Variants in FAT3 observed in about 807,000 individuals in gnomAD.
The protein encoded by FAT3 is FAT atypical cadherin 3, also known as protocadherin Fat 3.
Under a neutral mutation model 310.2 loss-of-function variants are expected in FAT3, and 95 were observed. That is an observed-to-expected ratio of 0.31 (90% CI 0.26 to 0.36). The LOEUF (loss-of-function observed/expected upper bound fraction) is 0.36. Ranked by LOEUF, FAT3 falls within the 10% of genes least tolerant of loss-of-function variation. The pLI, the probability that FAT3 is intolerant of heterozygous loss-of-function variation, is 1.00. For missense variants in FAT3, 5,408 were observed against 5,715.6 expected, an observed-to-expected ratio of 0.95 and a Z score of 1.74; for synonymous variants, 2,314 against 2,192.9, an observed-to-expected ratio of 1.06 and a Z score of -1.54.
chr11:92,702,964 G>A (rs1944147706), intron 4 of FAT3, among the ~76,000 whole-genome samples: 1 of 152,216 alleles, frequency 6.6e-6, no homozygotes, highest in Non-Finnish European at 1.5e-5. Context: ...GAACAGCCCA[G>A]AGAATGTGGT....
At chr11:92,840,368 A>G (rs999782329) in intron 17 of FAT3, among the ~76,000 whole-genome samples, 194 bp from the exon 18 acceptor site, 1 of 152,176 alleles carries the variant, frequency 6.6e-6, no homozygotes, top group Admixed American at 6.5e-5. Flanking sequence ...GGAACATGAC[A>G]CTTACAGACA....
At chr11:92,255,482 A>G (rs1186061921) in intron 1 of FAT3, among the ~76,000 whole-genome samples, 1 of 152,102 alleles carries the variant, frequency 6.6e-6, no homozygotes, top group Non-Finnish European at 1.5e-5. Flanking sequence ...AAGCATATTA[A>G]ATATATGAAT....
intron 2 of FAT3, among the ~76,000 whole-genome samples, chr11:92,362,251 A>T (rs750889523): frequency 5.9e-5 from 9 of 152,184 alleles, no homozygotes; most frequent in Non-Finnish European, 1.0e-4. Context: ...AGATAGACAA[A>T]CCGAAAAGGT....
chr11:92,880,659 T>C, intron 22 of FAT3, 72 bp from the exon 23 acceptor site: 1 of 1,506,100 alleles, frequency 6.6e-7, no homozygotes, highest in East Asian at 2.3e-5. Context: ...TAGGAGGACA[T>C]GTTATAGCTG....
At chr11:92,705,780 A>ATGGTGTTGGTGT (rs1944311434) in intron 4 of FAT3, among the ~76,000 whole-genome samples, 1 of 25,976 alleles carries the variant, frequency 3.8e-5, no homozygotes, top group Non-Finnish European at 7.1e-5. Context: ...GGTGGTGGTG[A>ATGGTGTTGGTGT]TGGTGGTGGT....
chr11:92,891,722 G>T lies in FAT3; in HGVS notation c.*609G>T. ...ATGTTTAGTATGCTCAGTTATTTCTGTTTGTTTGTGTTAAGCATCCAATCT... is the reference window on the plus strand; with the variant it reads ...ATGTTTAGTATGCTCAGTTATTTCTTTTTGTTTGTGTTAAGCATCCAATCT... On this transcript the variant is annotated 3_prime_UTR_variant, in exon 28 of 28. Transcript: ENST00000525166. 1 of 156,418 alleles carries T rather than the reference G, an allele frequency of 6.4e-6. No homozygotes were observed. Among genetic ancestry groups the T allele is most frequent in the East Asian group, 1.9e-4 (1 of 5,350 alleles). The allele number at this position is 156,418 out of a possible 1,614,324, so 9.7% of individuals were successfully genotyped here. A position where few individuals can be genotyped will look rare whatever the true frequency, so the allele number is the denominator to read the frequency against.
intron 2 of FAT3, among the ~76,000 whole-genome samples, chr11:92,458,157 G>A (rs989466401): frequency 6.6e-6 from 1 of 152,178 alleles, no homozygotes; most frequent in African/African-American, 2.4e-5. Flanking sequence ...GTGCTACGAT[G>A]AGACTATGGT....
chr11:92,718,789 T>C (rs1944766518), intron 4 of FAT3, among the ~76,000 whole-genome samples: 3 of 152,122 alleles, frequency 2.0e-5, no homozygotes, highest in African/African-American at 7.2e-5. Context: ...TGAACATTAG[T>C]TTTGCTGTAT....
chr11:92,845,374 G>A (rs1277034043), intron 19 of FAT3, among the ~76,000 whole-genome samples: 1 of 152,014 alleles, frequency 6.6e-6, no homozygotes, highest in Non-Finnish European at 1.5e-5. Context: ...AGGAGGCCAG[G>A]CCAGAGGCAG....
chr11:92,553,321 G>T (rs889757029), intron 3 of FAT3, among the ~76,000 whole-genome samples: 15 of 152,138 alleles, frequency 9.9e-5, no homozygotes, highest in Non-Finnish European at 1.5e-4. Flanking sequence ...TATCACAAAT[G>T]TTTGCAGAGT....
At chr11:92,229,345 G>C (rs879897671) in intron 1 of FAT3, among the ~76,000 whole-genome samples, 1 of 133,656 alleles carries the variant, frequency 7.5e-6, no homozygotes, top group Non-Finnish European at 1.7e-5. Flanking sequence ...TCTCTGGGAA[G>C]ACTCAGAGAG....
At chr11:92,366,213 A>C (rs11019927) in intron 2 of FAT3, among the ~76,000 whole-genome samples, 11,801 of 152,062 alleles carry the variant, frequency 0.078, 658 homozygotes, top group African/African-American at 0.15. Flanking sequence ...ACTGGCAAAA[A>C]CCCAAGTCAC....
chr11:92,266,448 G>A (rs1199070506), intron 1 of FAT3, among the ~76,000 whole-genome samples: 1 of 152,190 alleles, frequency 6.6e-6, no homozygotes, highest in East Asian at 1.9e-4. Context: ...TGTGGCCTCA[G>A]TTGATAGGTA....
chr11:92,227,242 C>A (rs1291443162), intron 1 of FAT3, among the ~76,000 whole-genome samples: 1 of 152,154 alleles, frequency 6.6e-6, no homozygotes, highest in African/African-American at 2.4e-5. Context: ...TTTCTGGCCC[C>A]GACGCTAGTC....
chr11:92,472,792 A>G (rs191826987), intron 2 of FAT3, among the ~76,000 whole-genome samples: 1 of 152,290 alleles, frequency 6.6e-6, no homozygotes, highest in Admixed American at 6.5e-5. Context: ...GCTTATTAGT[A>G]TCCTGCGATT....
intron 13 of FAT3, among the ~76,000 whole-genome samples, chr11:92,829,965 C>T (rs1948199598): frequency 6.6e-6 from 1 of 151,918 alleles, no homozygotes; most frequent in Non-Finnish European, 1.5e-5. Flanking sequence ...AAATGTTTAG[C>T]TCTTATTATT....
intron 3 of FAT3, among the ~76,000 whole-genome samples, chr11:92,563,324 T>C (rs1955301875): frequency 1.3e-5 from 2 of 152,194 alleles, no homozygotes; most frequent in South Asian, 4.1e-4. Context: ...ATGCTAGTGA[T>C]TGACTAACAC....
chr11:92,484,492 C>T (rs955899967), intron 2 of FAT3, among the ~76,000 whole-genome samples: 1 of 152,110 alleles, frequency 6.6e-6, no homozygotes, highest in Non-Finnish European at 1.5e-5. Flanking sequence ...CAAAATCGTT[C>T]TGGGAAAGGG....
At chr11:92,835,150 A>T in intron 15 of FAT3, 66 bp downstream of exon 15, 1 of 1,380,260 alleles carries the variant, frequency 7.2e-7, no homozygotes, top group Non-Finnish European at 1.0e-6. Flanking sequence ...AAAGTGAAGA[A>T]GAAAGCAAAG....
Sources: gnomAD v4.1 joint callset for allele counts (sites outside exome capture counted in the v4.1 genomes callset) on GRCh38, gnomAD v4.1.1 for gene constraint, MANE v1.5 for transcripts, NCBI Gene and HGNC (gene_info 2026-07-23, HGNC 2026-07-21) for gene names.